The following PKD1 variants were observed in gnomAD, a reference collection of about 807,000 sequenced individuals.
PKD1 encodes the protein polycystin 1, transient receptor potential channel interacting.
A neutral mutation model predicts 361.7 loss-of-function variants in PKD1; 81 were observed. The ratio of observed to expected loss-of-function variants is 0.22; its 90% CI spans 0.19 to 0.27. PKD1 has a LOEUF of 0.27. Ranked by LOEUF, PKD1 falls within the 10% of genes least tolerant of loss-of-function variation. The pLI is 1.00. For synonymous variants in PKD1, 3,615 were observed against 2,818.3 expected (o/e 1.28, Z -8.95); for missense variants, 6,399 against 6,118.3 (o/e 1.05, Z -1.53).
Position 2,090,877 on chromosome 16 carries a change from C to A in PKD1, c.12003+7G>T, listed in dbSNP as rs1318886496. ...CCCAGCCCCGCGCCCACCGGCCCAG[C>A]CCTCACCTTGACCAAAAGCAGGAAG... is the stretch of plus-strand genomic sequence containing the variant. On this transcript the variant is annotated splice_region_variant and intron_variant, in intron 43 of 45. Coordinates refer to ENST00000262304, the MANE Select transcript of PKD1 (RefSeq NM_001009944.3). 9 of 1,605,024 alleles carry A rather than the reference C, an allele frequency of 5.6e-6. No individual in the cohort carries two copies. Among genetic ancestry groups the A allele is most frequent in the African/African-American group, 1.3e-5 (1 of 74,924 alleles).
Position 2,118,158 on chromosome 16 carries a change from C to T in PKD1, c.834G>A (p.Val278=). The change falls in exon 5 of 46, where the codon GTG becomes GTA. Residue 278 remains valine (V), a synonymous_variant. Transcript: ENST00000262304. This position sits in a 1 kb window ranked among gnomAD's most constrained non-coding sequence, Gnocchi z 6.0. ...VFPASPGATL[V]GPHGPLASGQ... ...CAGAGGCCAGAGGTCCGTGGGGCCC[C>T]ACCAGGGTGGCCCCTGGGGAGGCAG... The T allele has an allele frequency of 6.3e-7, 1 of 1,578,920 alleles. No individual in the cohort carries two copies.
chr16:2,102,441 G>A lies in PKD1; in HGVS notation c.9141C>T (p.His3047=). Residue 3047 remains histidine (H), a synonymous_variant, in exon 25 of 46, where the codon CAC becomes CAT. Transcript: ENST00000262304. The part of the protein sequence containing the change: ...SPRQAVCLTR[H]LTAFGASLFV... ...AGAGGCTGGCGCCGAAGGCGGTGAG[G>A]TGGCGGGTGAGGCAGACGGCCTGGC... The A allele has an allele frequency of 1.3e-6, 2 of 1,552,066 alleles. No individual in the cohort carries two copies. Among genetic ancestry groups the A allele is most frequent in the Non-Finnish European group, 1.7e-6 (2 of 1,149,406 alleles).
intron 21 of PKD1, 130 bp from the exon 22 acceptor site, chr16:2,104,772 C>T: frequency 6.4e-6 from 5 of 784,610 alleles, no homozygotes; most frequent in Non-Finnish European, 1.0e-5. Flanking sequence ...GACTGGACCC[C>T]CACAGCCTCC....
chr16:2,111,374 G>A lies in PKD1; in HGVS notation c.3793C>T (p.Leu1265=), dbSNP rs533498090. 23 of 1,611,156 alleles carry A rather than the reference G, an allele frequency of 1.4e-5. No homozygotes were observed. Among genetic ancestry groups the A allele is most frequent in the Non-Finnish European group, 1.9e-5 (22 of 1,179,508 alleles). The part of the protein sequence containing the change: ...GPEATVEHVY[L]RAQNCTVTVG... ...GTCACTGTGCAGTTCTGTGCCCGCA[G>A]GTACACATGCTCCACTGTTGCCTCC... The change falls in exon 15 of 46, where the codon CTG becomes TTG. Residue 1265 remains leucine, a synonymous_variant. Coordinates refer to ENST00000262304, the MANE Select transcript of PKD1 (RefSeq NM_001009944.3).
At position 2,109,919 on chromosome 16, in the gene PKD1, A is replaced by G. The variant is rs759494853; in HGVS notation, c.5248T>C (p.Tyr1750His). ...AGCCCCTCCTCCAAGGACCAAGTGT[A>G]TACGACACCACTGCCACCAGCCAGC... ...AELAGGSGVVYTWSLEEGLSW... is the reference protein window; with the variant it reads ...AELAGGSGVVHTWSLEEGLSW... The change falls in exon 15 of 46, where the codon TAC (tyrosine) becomes CAC (histidine). Residue 1750 changes from tyrosine (Y) to histidine (H), a missense_variant. Tyr to His is a moderately conservative substitution (Grantham distance 83). Transcript: ENST00000262304. 6.2e-7 allele frequency: 1 copy of G among 1,610,524 alleles called. No individual in the cohort carries two copies. Among genetic ancestry groups the G allele is most frequent in the Non-Finnish European group, 8.5e-7 (1 of 1,179,718 alleles).
At chr16:2,122,029 G>A (rs1178023881) in intron 1 of PKD1, among the ~76,000 whole-genome samples, 9 of 152,262 alleles carry the variant, frequency 5.9e-5, no homozygotes. Flanking sequence ...CGGCGCAGGA[G>A]AGACGCACAC....
In PKD1 at chr16:2,109,269, C is replaced by G; in HGVS notation, c.5898G>C (p.Val1966=). Reference sequence around the variant, plus strand: ...GCAGCCCACTCACGGCCTCCAGCACCACGATGCGCACCTGCGCCTGGGCCC... The same window carrying G: ...GCAGCCCACTCACGGCCTCCAGCACGACGATGCGCACCTGCGCCTGGGCCC... ...VSWAQAQVRI[V]VLEAVSGLQV... is the part of the protein sequence containing the mutation. The change falls in exon 15 of 46, where the codon GTG becomes GTC. Residue 1966 remains valine, a synonymous_variant. Transcript: ENST00000262304. 6.3e-7 allele frequency: 1 copy of G among 1,584,062 alleles called. No individual in the cohort carries two copies. Among genetic ancestry groups the G allele is most frequent in the South Asian group, 1.1e-5 (1 of 89,538 alleles).
In PKD1 at chr16:2,091,321, G is replaced by A. The variant is rs544116240; in HGVS notation, c.11712+102C>T. ...GCGAGGGGGCGGGACGCTGCGAGGG[G>A]GCGGGGCGCTGCGAGGGGTGAGACG... is the stretch of plus-strand genomic sequence containing the variant. On this transcript the variant is annotated intron_variant, in intron 42 of 45. Transcript: ENST00000262304. 226 of 515,634 alleles carry A rather than the reference G, an allele frequency of 4.4e-4. 2 individuals carry two copies. Among genetic ancestry groups the A allele is most frequent in the Middle Eastern group, 1.8e-3 (2 of 1,090 alleles). 31.9% of individuals were successfully genotyped at this position (515,634 alleles called of 1,614,324 possible).
intron 30 of PKD1, 25 bp downstream of exon 30, chr16:2,099,619 T>A (rs2092004005): frequency 6.3e-7 from 1 of 1,576,380 alleles, no homozygotes; most frequent in Admixed American, 1.7e-5. Flanking sequence ...TTCCCAGTAC[T>A]CCCGGGTCCC....
intron 26 of PKD1, among the ~76,000 whole-genome samples, chr16:2,101,209 TCTC>T (rs1234862792): frequency 6.6e-6 from 1 of 152,052 alleles, no homozygotes; most frequent in Non-Finnish European, 1.5e-5. Flanking sequence ...ATGGTCTCGA[TCTC>T]CTGACCCCGT....
chr16:2,111,049 C>T lies in PKD1; in HGVS notation c.4118G>A (p.Ser1373Asn). The stretch of plus-strand genomic sequence containing the variant: ...GCCCACCTCTGGCTCCACGCAGATG[C>T]TGGTGAAGTAATGCGCCCTGTTCAC... ...SRVNRAHYFT[S>N]ICVEPEVGNV... Residue 1373 changes from serine to asparagine, a missense_variant, in exon 15 of 46, where the codon AGC becomes AAC. By Grantham distance (46) the Ser-to-Asn change is conservative. Coordinates refer to ENST00000262304, the MANE Select transcript of PKD1 (RefSeq NM_001009944.3). The T allele has an allele frequency of 6.2e-7, 1 of 1,610,680 alleles. No homozygotes were observed. The highest frequency in any genetic ancestry group is 2.2e-5 in the East Asian group (1 of 44,882).
Position 2,115,217 on chromosome 16 carries a change from G to A in PKD1, c.2097+161C>T, listed in dbSNP as rs1355040047. On this transcript the variant is annotated intron_variant, in intron 10 of 45. Coordinates refer to ENST00000262304, the MANE Select transcript of PKD1 (RefSeq NM_001009944.3). ...CAGGCGAGAGCTTCTCCCACTGGGA[G>A]AGGGCCGAGGGCACTGCAGAGGTCG... is the stretch of plus-strand genomic sequence containing the variant. 17 of 556,964 alleles carry A rather than the reference G, an allele frequency of 3.1e-5. No individual in the cohort carries two copies. The Middle Eastern group carries it at 5.2e-3, about 171-fold the overall frequency. 34.5% of individuals were successfully genotyped at this position (556,964 alleles called of 1,614,324 possible). A position where few individuals can be genotyped will look rare whatever the true frequency, so the allele number is the denominator to read the frequency against.
Position 2,088,912 on chromosome 16 carries a change from C to G in PKD1, c.*815G>C. ...ACACACACACACAGTCACCTTCCTC[C>G]ACCCTGGGAGCCAGCCCCCAGGAGG... On this transcript the variant is annotated 3_prime_UTR_variant, in exon 46 of 46. Transcript: ENST00000262304. 1 of 408,332 alleles carries G rather than the reference C, an allele frequency of 2.4e-6. No homozygotes were observed. Among genetic ancestry groups the G allele is most frequent in the Non-Finnish European group, 4.5e-6 (1 of 222,036 alleles). 25.3% of individuals were successfully genotyped at this position (408,332 alleles called of 1,614,324 possible). A position where few individuals can be genotyped will look rare whatever the true frequency, so the allele number is the denominator to read the frequency against.
intron 1 of PKD1, chr16:2,135,069 C>A (rs1214280833): frequency 3.1e-6 from 3 of 971,966 alleles, no homozygotes; most frequent in Non-Finnish European, 3.7e-6. Flanking sequence ...TCTTGCACAT[C>A]CATCAAATCC....
At chr16:2,115,697 A>C in intron 9 of PKD1, 72 bp from the exon 10 acceptor site, 4 of 1,438,596 alleles carry the variant, frequency 2.8e-6, no homozygotes. Context: ...AACTGCCTGC[A>C]CCAGCAATCC....
rs2092473322 is a variant in PKD1 at position 2,110,481 on chromosome 16, C to A, written c.4686G>T (p.Leu1562=). The A allele has an allele frequency of 6.2e-7, 1 of 1,612,470 alleles. No individual in the cohort carries two copies. Among genetic ancestry groups the A allele is most frequent in the East Asian group, 2.2e-5 (1 of 44,884 alleles). The change falls in exon 15 of 46, where the codon CTG becomes CTT. Residue 1562 remains leucine, a synonymous_variant. Coordinates refer to ENST00000262304, the MANE Select transcript of PKD1 (RefSeq NM_001009944.3). The part of the protein sequence containing the change: ...VVNASRTVVP[L]NGSVSFSTSL... ...ACGTGCTGAAGCTCACGCTCCCATT[C>A]AGGGGCACCACCGTGCGGCTTGCAT...
At position 2,099,784 on chromosome 16, in the gene PKD1, A is replaced by G. The variant is rs2092013644; in HGVS notation, c.9924-14T>C. The G allele has an allele frequency of 1.3e-6, 2 of 1,552,868 alleles. No homozygotes were observed. The highest frequency in any genetic ancestry group is 2.7e-5 in the African/African-American group (2 of 73,330). ...ACATGCCCCGTGCTGTGTGGAGGAG[A>G]GGAGGCCACACAGGTGAGGCTGAGG... On this transcript the variant is annotated splice_polypyrimidine_tract_variant and intron_variant, in intron 29 of 45. Transcript: ENST00000262304.
rs919309114 is a variant in PKD1, at chr16:2,089,462, G to T, written c.*265C>A. The T allele has an allele frequency of 3.6e-6, 2 of 548,186 alleles. No homozygotes were observed. The highest frequency in any genetic ancestry group is 6.5e-5 in the Admixed American group (2 of 30,890). 34.0% of individuals were successfully genotyped at this position (548,186 alleles called of 1,614,324 possible). The stretch of plus-strand genomic sequence containing the variant: ...AGCCCGCTGTACCTGAGGACTCGGG[G>T]AAATAAATTAGCATCTCAGAGGCTA... On this transcript the variant is annotated 3_prime_UTR_variant, in exon 46 of 46. Transcript: ENST00000262304.
In PKD1 at chr16:2,109,731, G is replaced by A. The variant is rs755297914; in HGVS notation, c.5436C>T (p.Pro1812=). Residue 1812 remains proline (P), a synonymous_variant, in exon 15 of 46, where the codon CCC becomes CCT. Transcript: ENST00000262304. The part of the protein sequence containing the change: ...VSGLSIRASE[P]GGSFVAAGSS... ...ACCCGGCCGCCACGAAGCTGCCTCCGGGCTCGCTGGCCCTGATGCTGAGGC... is the reference window on the plus strand; with the variant it reads ...ACCCGGCCGCCACGAAGCTGCCTCCAGGCTCGCTGGCCCTGATGCTGAGGC... 6.5e-5 allele frequency: 105 copies of A among 1,607,888 alleles called. 1 individual carries two copies. The highest frequency in any genetic ancestry group is 1.1e-4 in the African/African-American group (8 of 74,918).
Sources: allele counts gnomAD v4.1 joint callset (sites outside exome capture counted in the v4.1 genomes callset), GRCh38; gene constraint gnomAD v4.1.1; non-coding constraint Gnocchi (gnomAD v3.1); transcripts MANE v1.5; gene names NCBI Gene and HGNC (gene_info 2026-07-23, HGNC 2026-07-21).